The following USP34 variants were observed in gnomAD, a reference collection of about 807,000 sequenced individuals.
USP34 encodes ubiquitin carboxyl-terminal hydrolase 34.
USP34 carries 70 observed loss-of-function variants against 460.3 expected under a neutral mutation model. That is an observed-to-expected ratio of 0.15 (90% CI 0.13 to 0.19). USP34 has a LOEUF of 0.19. Ranked by LOEUF, USP34 falls within the 10% of genes least tolerant of loss-of-function variation. USP34 has a pLI of 1.00. For missense variants in USP34, 3,985 were observed against 4,236.2 expected (o/e 0.94, Z 1.65); for synonymous variants, 1,647 against 1,405.3 (o/e 1.17, Z -3.85).
intron 37 of USP34, among the ~76,000 whole-genome samples, chr2:61,281,733 C>T (rs1689539708): frequency 6.6e-6 from 1 of 152,226 alleles, no homozygotes; most frequent in South Asian, 2.1e-4. Context: ...AATCCTAAAG[C>T]ATGGCCATAA....
intron 2 of USP34, among the ~76,000 whole-genome samples, 185 bp downstream of exon 2, chr2:61,420,561 C>G (rs557488538): frequency 5.3e-5 from 8 of 152,072 alleles, no homozygotes; most frequent in Admixed American, 4.6e-4. Context: ...GATATTTATG[C>G]CCATGTTTTA....
At chr2:61,379,033 G>C (rs1317175108) in intron 7 of USP34, among the ~76,000 whole-genome samples, 2 of 149,112 alleles carry the variant, frequency 1.3e-5, no homozygotes, top group Non-Finnish European at 1.5e-5. Flanking sequence ...ACAATTTAAC[G>C]CAAGAGAGCA....
At chr2:61,271,938 A>G (rs951768898) in intron 41 of USP34, among the ~76,000 whole-genome samples, 2 of 152,246 alleles carry the variant, frequency 1.3e-5, no homozygotes, top group South Asian at 4.1e-4. Context: ...TTTCCTTAAT[A>G]TTACAAGAAA....
chr2:61,223,074 G>C lies in USP34; in HGVS notation c.7735C>G (p.Arg2579Gly). 6.2e-7 allele frequency: 1 copy of C among 1,613,022 alleles called. No homozygotes were observed. Among genetic ancestry groups the C allele is most frequent in the Non-Finnish European group, 8.5e-7 (1 of 1,179,268 alleles). ...LIFSLCRYNN[R>G]LAEHIVSMLF... ...TTAGCACTTACATGTTCTGCAAGTCGATTATTGTATCGACACAGGCTGAAA... is the reference window on the plus strand; with the variant it reads ...TTAGCACTTACATGTTCTGCAAGTCCATTATTGTATCGACACAGGCTGAAA... Residue 2579 changes from arginine to glycine, a missense_variant, in exon 64 of 80, where the codon CGA (arginine) becomes GGA (glycine). Transcript: ENST00000398571.
intron 23 of USP34, among the ~76,000 whole-genome samples, chr2:61,316,029 G>A (rs1472418901): frequency 7.2e-6 from 1 of 139,604 alleles, no homozygotes; most frequent in African/African-American, 2.7e-5. Context: ...GTGAAACCCT[G>A]TCTCTACTTT....
In USP34 at chr2:61,412,311, A is replaced by C. The variant is rs1395331919; in HGVS notation, c.132-6183T>G. ...GAAAAAAAGATTTTAGCTGTAATTT[A>C]TATCCTGAGAGATATAAAATATTAC... On this transcript the variant is annotated intron_variant, in intron 2 of 79. Coordinates refer to ENST00000398571, the MANE Select transcript of USP34 (RefSeq NM_014709.4). 2.0e-5 allele frequency among the ~76,000 whole-genome samples: 3 copies of C among 151,932 alleles called. No individual in the cohort carries two copies. In the East Asian group the frequency reaches 5.8e-4, roughly 29 times the overall value.
intron 1 of USP34, among the ~76,000 whole-genome samples, chr2:61,455,783 A>G (rs1695419885): frequency 2.6e-5 from 4 of 152,200 alleles, no homozygotes; most frequent in African/African-American, 9.7e-5. Flanking sequence ...TTATGCTAGC[A>G]CTGCGTTAAA....
intron 19 of USP34, among the ~76,000 whole-genome samples, chr2:61,332,753 C>T (rs1001810287): frequency 6.6e-6 from 1 of 151,878 alleles, no homozygotes; most frequent in African/African-American, 2.4e-5. Context: ...AAGGACCTTC[C>T]TTGCAAAAAC....
At chr2:61,425,648 T>C (rs766538037) in intron 1 of USP34, among the ~76,000 whole-genome samples, 1 of 152,210 alleles carries the variant, frequency 6.6e-6, no homozygotes, top group Non-Finnish European at 1.5e-5. Context: ...CAGCACTCCA[T>C]GTTTCCAAGT....
At chr2:61,332,961 A>C (rs1347298290) in intron 19 of USP34, among the ~76,000 whole-genome samples, 4 of 152,062 alleles carry the variant, frequency 2.6e-5, no homozygotes, top group Admixed American at 6.6e-5. Context: ...GTGATACTCC[A>C]CTGTGAAAGC....
intron 1 of USP34, among the ~76,000 whole-genome samples, chr2:61,449,026 T>C (rs1365732953): frequency 2.0e-5 from 3 of 152,020 alleles, no homozygotes; most frequent in Admixed American, 6.6e-5. Flanking sequence ...TGGTGGCGCA[T>C]GCCTGTAATC....
intron 50 of USP34, 39 bp downstream of exon 50, chr2:61,246,285 A>G (rs763363628): frequency 6.9e-7 from 1 of 1,447,702 alleles, no homozygotes; most frequent in South Asian, 1.5e-5. Context: ...GAAAACTACC[A>G]TAAATTGTTA....
At chr2:61,215,796 A>T (rs554213120) in intron 67 of USP34, among the ~76,000 whole-genome samples, 1 of 152,250 alleles carries the variant, frequency 6.6e-6, no homozygotes, top group East Asian at 1.9e-4. Flanking sequence ...ATTTGACGTC[A>T]TAACTTTATG....
At position 61,301,038 on chromosome 2, in the gene USP34, C is replaced by T; in HGVS notation, c.4041G>A (p.Glu1347=). The T allele has an allele frequency of 3.1e-6, 5 of 1,613,870 alleles. No homozygotes were observed. Among genetic ancestry groups the T allele is most frequent in the Non-Finnish European group, 4.2e-6 (5 of 1,179,960 alleles). The change falls in exon 29 of 80, where the codon GAG becomes GAA. Residue 1347 remains glutamate, a synonymous_variant. Coordinates refer to ENST00000398571, the MANE Select transcript of USP34 (RefSeq NM_014709.4). ...AATCAAAAAGAGTAGTTAAATGAGG[C>T]TCTTGTAAAAGCAAAAGCATTGGAA... ...DNIPMLLLLQ[E]PHLTTLFDLL... is the part of the protein sequence containing the mutation.
At chr2:61,323,367 A>G (rs545637105) in intron 21 of USP34, among the ~76,000 whole-genome samples, 1 of 152,204 alleles carries the variant, frequency 6.6e-6, no homozygotes, top group East Asian at 1.9e-4. Context: ...AAAAAAAGTT[A>G]GCTGGGTGTG....
rs1224043090 is a variant in USP34 at position 61,281,092 on chromosome 2, T to C, written c.5149A>G (p.Arg1717Gly). The part of the protein sequence containing the change: ...LPDAQALKPI[R>G]IDDYEEEPIL... Reference sequence around the variant, plus strand: ...TTCTAAACACAGTAAAATCTTACCCTAATAGGTTTGAGTGCTTGAGCATCA... The same window carrying C: ...TTCTAAACACAGTAAAATCTTACCCCAATAGGTTTGAGTGCTTGAGCATCA... The change falls in exon 38 of 80, where the codon AGG (arginine) becomes GGG (glycine). Residue 1717 changes from arginine (R) to glycine (G), a missense_variant and splice_region_variant. Arg to Gly is a moderately radical substitution (Grantham distance 125). Coordinates refer to ENST00000398571, the MANE Select transcript of USP34 (RefSeq NM_014709.4). The C allele has an allele frequency of 1.2e-6, 2 of 1,613,180 alleles. No individual in the cohort carries two copies. The highest frequency in any genetic ancestry group is 1.7e-5 in the Admixed American group (1 of 59,922).
chr2:61,293,795 G>C (rs1487251719), intron 32 of USP34, among the ~76,000 whole-genome samples: 2 of 151,964 alleles, frequency 1.3e-5, no homozygotes, highest in Non-Finnish European at 2.9e-5. Context: ...CCAGACGATG[G>C]CTTGAGGTTA....
At chr2:61,442,295 A>C (rs1156432049) in intron 1 of USP34, among the ~76,000 whole-genome samples, 3 of 152,138 alleles carry the variant, frequency 2.0e-5, no homozygotes, top group African/African-American at 4.8e-5. Flanking sequence ...CAAAGGCAAA[A>C]ATCAACAGAG....
chr2:61,390,323 C>G (rs1202116237), intron 5 of USP34, among the ~76,000 whole-genome samples: 2 of 152,200 alleles, frequency 1.3e-5, no homozygotes, highest in African/African-American at 2.4e-5. Context: ...TAAGCTAAAA[C>G]CAAGTGTAAC....
Sources: gnomAD v4.1 joint callset for allele counts (sites outside exome capture counted in the v4.1 genomes callset) on GRCh38, gnomAD v4.1.1 for gene constraint, MANE v1.5 for transcripts, NCBI Gene and HGNC (gene_info 2026-07-23, HGNC 2026-07-21) for gene names.